NXN: variants seen among roughly 807,000 people sequenced by gnomAD.
NXN encodes the protein nucleoredoxin 1.
Under a neutral mutation model 48.6 loss-of-function variants are expected in NXN, and 16 were observed. The observed-to-expected ratio is 0.33, with a 90% CI of 0.22 to 0.50. NXN has a LOEUF of 0.50. Ranked by LOEUF, NXN falls within the 20% of genes least tolerant of loss-of-function variation. The probability of loss-of-function intolerance (pLI) is 0.98; values close to 1 mark genes in which losing one functional copy is unlikely to be tolerated. For missense variants in NXN, 492 were observed against 605.5 expected (o/e 0.81, Z 1.97); for synonymous variants, 281 against 269.6 (o/e 1.04, Z -0.41).
rs1402652154 is a variant in NXN, at chr17:812,878, G to A, written c.820+6561C>T. On this transcript the variant is annotated intron_variant, in intron 5 of 7. Coordinates refer to ENST00000336868, the MANE Select transcript of NXN (RefSeq NM_022463.5). The stretch of plus-strand genomic sequence containing the variant: ...TGTGTGTAGGTGTGTGTGGGTGTGT[G>A]CGCACATGTGAATGTAGGTGTGTGC... Among the ~76,000 whole-genome samples the A allele has an allele frequency of 4.7e-5, 7 of 148,360 alleles. 1 individual carries two copies. The South Asian group carries it at 1.5e-3, about 31-fold the overall frequency.
intron 1 of NXN, 88 bp downstream of exon 1, chr17:979,231 C>CGGAGGGCAGGGGTAACGGGCGTGGGG (rs2069503847): frequency 7.3e-5 from 34 of 463,032 alleles, no homozygotes; most frequent in Admixed American, 2.7e-4. Context: ...ACGGGGTTGG[C>CGGAGGGCAGGGGTAACGGGCGTGGGG]GGAGGGCAGG....
chr17:885,977 C>A (rs1432819926), intron 1 of NXN, among the ~76,000 whole-genome samples: 1 of 151,980 alleles, frequency 6.6e-6, no homozygotes, highest in Non-Finnish European at 1.5e-5. Context: ...CGTGAGCCAC[C>A]GCGCCCAGCT....
intron 1 of NXN, among the ~76,000 whole-genome samples, chr17:891,586 G>C (rs555834566): frequency 6.6e-6 from 1 of 152,354 alleles, no homozygotes; most frequent in South Asian, 2.1e-4. Flanking sequence ...GAGGCAGTGA[G>C]AGGCTATGAT....
At chr17:876,878 C>G (rs2068222520) in intron 1 of NXN, among the ~76,000 whole-genome samples, 1 of 152,020 alleles carries the variant, frequency 6.6e-6, no homozygotes, top group Non-Finnish European at 1.5e-5. Context: ...GAAACCCCGT[C>G]TCTACTAAAA....
chr17:977,782 A>T (rs2069478968), intron 1 of NXN, among the ~76,000 whole-genome samples: 1 of 152,228 alleles, frequency 6.6e-6, no homozygotes, highest in Admixed American at 6.5e-5. Flanking sequence ...TATCACAAAA[A>T]CCACCACCAA....
intron 1 of NXN, among the ~76,000 whole-genome samples, chr17:891,577 A>C (rs1288946508): frequency 1.3e-5 from 2 of 152,224 alleles, no homozygotes; most frequent in Admixed American, 1.3e-4. Context: ...AAGGAAACTG[A>C]GGCAGTGAGA....
At chr17:911,726 A>G (rs1246668284) in intron 1 of NXN, among the ~76,000 whole-genome samples, 1 of 151,186 alleles carries the variant, frequency 6.6e-6, no homozygotes, top group Non-Finnish European at 1.5e-5. Flanking sequence ...TCAGCCTCCC[A>G]AAGTGCTGGG....
intron 1 of NXN, among the ~76,000 whole-genome samples, chr17:903,908 C>A (rs558659484): frequency 2.6e-5 from 4 of 151,996 alleles, no homozygotes; most frequent in Non-Finnish European, 4.4e-5. Flanking sequence ...AACCTCACCC[C>A]CCACGGGCAG....
intron 5 of NXN, among the ~76,000 whole-genome samples, chr17:813,382 G>A: frequency 6.6e-6 from 1 of 152,242 alleles, no homozygotes; most frequent in East Asian, 1.9e-4. Context: ...CTCTGAAGGA[G>A]AAACGGCCCC....
intron 5 of NXN, among the ~76,000 whole-genome samples, chr17:816,798 G>A (rs1249156124): frequency 1.3e-5 from 2 of 152,128 alleles, no homozygotes; most frequent in Non-Finnish European, 2.9e-5. Context: ...TGAATTAAGA[G>A]ATGGGAAGCC....
intron 1 of NXN, among the ~76,000 whole-genome samples, chr17:881,029 T>G (rs2144835856): frequency 6.6e-6 from 1 of 151,882 alleles, no homozygotes; most frequent in South Asian, 2.1e-4. Flanking sequence ...GCTCTGGGAG[T>G]GCACACTCTC....
chr17:955,662 C>T lies in NXN; in HGVS notation c.360+23657G>A, dbSNP rs113896319. Among the ~76,000 whole-genome samples the T allele has an allele frequency of 3.8e-3, 561 of 149,538 alleles. 5 individuals carry two copies. The highest frequency in any genetic ancestry group is 0.013 in the African/African-American group (523 of 40,484). On this transcript the variant is annotated intron_variant, in intron 1 of 7. Coordinates refer to ENST00000336868, the MANE Select transcript of NXN (RefSeq NM_022463.5). Reference sequence around the variant, plus strand: ...CTGTAATCCCAGCACCTCGGGAGGCCGAGGCGGGCGGATCACAAGGTCAGG... The same window carrying T: ...CTGTAATCCCAGCACCTCGGGAGGCTGAGGCGGGCGGATCACAAGGTCAGG...
intron 1 of NXN, among the ~76,000 whole-genome samples, chr17:913,409 G>A (rs2068655351): frequency 6.6e-6 from 1 of 152,108 alleles, no homozygotes; most frequent in Non-Finnish European, 1.5e-5. Flanking sequence ...TTTGCCTCTA[G>A]CGCTGGCTTA....
intron 1 of NXN, among the ~76,000 whole-genome samples, chr17:972,042 C>T (rs897860751): frequency 5.3e-5 from 8 of 151,916 alleles, no homozygotes; most frequent in African/African-American, 1.7e-4. Context: ...GGCTCACACC[C>T]GTAAGCCCAG....
chr17:976,203 T>C (rs1486313593), intron 1 of NXN, among the ~76,000 whole-genome samples: 1 of 150,194 alleles, frequency 6.7e-6, no homozygotes. Flanking sequence ...TTTTTTTTGG[T>C]GTTTTCTCAC....
At chr17:809,214 C>T (rs1340056536) in intron 5 of NXN, among the ~76,000 whole-genome samples, 4 of 152,212 alleles carry the variant, frequency 2.6e-5, no homozygotes, top group Admixed American at 6.5e-5. Context: ...TCCCAAGCTA[C>T]ACTCCTGGGC....
intron 1 of NXN, among the ~76,000 whole-genome samples, chr17:964,001 C>CGGGAGGCGGAGCTTGCA (rs2069271649): frequency 6.6e-6 from 1 of 151,048 alleles, no homozygotes; most frequent in Non-Finnish European, 1.5e-5. Context: ...GGCGTGAACC[C>CGGGAGGCGGAGCTTGCA]GGGAGGCGGA....
At chr17:946,221 CGCCTCCCGGGG>C (rs2069042115) in intron 1 of NXN, among the ~76,000 whole-genome samples, 1 of 40,514 alleles carries the variant, frequency 2.5e-5, no homozygotes, top group Admixed American at 2.3e-4. Flanking sequence ...CTGCAAGCTC[CGCCTCCCGGGG>C]ATCCCTGCTC....
chr17:818,030 G>A (rs1240280432), intron 5 of NXN, among the ~76,000 whole-genome samples: 3 of 152,112 alleles, frequency 2.0e-5, no homozygotes, highest in Non-Finnish European at 4.4e-5. Flanking sequence ...AGGCCGAGGC[G>A]GGTGGATCAC....
Sources: allele counts gnomAD v4.1 joint callset (sites outside exome capture counted in the v4.1 genomes callset), GRCh38; gene constraint gnomAD v4.1.1; transcripts MANE v1.5; gene names NCBI Gene and HGNC (gene_info 2026-07-23, HGNC 2026-07-21).